The following PCDH11X variants were observed in gnomAD, a reference collection of about 807,000 sequenced individuals.
PCDH11X encodes protocadherin 11 X-linked, also known as protocadherin-11 X-linked.
Under a neutral mutation model 53.3 loss-of-function variants are expected in PCDH11X, and 18 were observed. That is an observed-to-expected ratio of 0.34 (90% CI 0.23 to 0.50). The LOEUF (loss-of-function observed/expected upper bound fraction) is 0.50. Among genes scored for constraint, PCDH11X ranks in the 20% least tolerant of loss-of-function variants. The pLI is 0.98. For missense variants in PCDH11X, 570 were observed against 1,032.4 expected, an observed-to-expected ratio of 0.55 and a Z score of 6.14; for synonymous variants, 279 against 393.3, an observed-to-expected ratio of 0.71 and a Z score of 3.44.
intron 6 of PCDH11X, among the ~76,000 whole-genome samples, chrX:92,048,358 A>G (rs2063322712): frequency 9.0e-6 from 1 of 110,935 alleles, no homozygotes; most frequent in African/African-American, 3.3e-5. Context: ...AGACGAAAGA[A>G]CTTCCATTTT....
chrX:92,003,298 G>A (rs1189831617), intron 6 of PCDH11X, among the ~76,000 whole-genome samples: 1 of 103,997 alleles, frequency 9.6e-6, no homozygotes, highest in African/African-American at 3.5e-5. Flanking sequence ...TTTTGTTGAG[G>A]ATTTTTGCAT....
At chrX:92,484,151 G>GTA (rs1391376778) in intron 10 of PCDH11X, among the ~76,000 whole-genome samples, 12 of 36,248 alleles carry the variant, frequency 3.3e-4, no homozygotes, top group East Asian at 5.2e-3. Flanking sequence ...GTATATATAT[G>GTA]TATATATGTA....
At chrX:92,407,155 A>G (rs1298558472) in intron 9 of PCDH11X, among the ~76,000 whole-genome samples, 2 of 106,828 alleles carry the variant, frequency 1.9e-5, no homozygotes, top group African/African-American at 6.8e-5. Context: ...GTTCTTATTT[A>G]TTGGCATATG....
At chrX:92,501,534 T>A (rs1057239215) in intron 10 of PCDH11X, among the ~76,000 whole-genome samples, 6 of 111,880 alleles carry the variant, frequency 5.4e-5, no homozygotes, top group Admixed American at 4.8e-4. Flanking sequence ...TCCACCATGA[T>A]CATGCTGGCT....
At chrX:91,909,042 A>G (rs1318768917) in intron 6 of PCDH11X, among the ~76,000 whole-genome samples, 1 of 111,364 alleles carries the variant, frequency 9.0e-6, no homozygotes, top group Non-Finnish European at 1.9e-5. Context: ...TAATTCTAAA[A>G]CAAATTGTAC....
chrX:92,526,834 T>C (rs980777575), intron 10 of PCDH11X, among the ~76,000 whole-genome samples: 1 of 105,636 alleles, frequency 9.5e-6, no homozygotes, highest in African/African-American at 3.4e-5. Flanking sequence ...TGCACTCCTA[T>C]GTTTGTTGCA....
At chrX:92,129,062 T>G (rs1321733000) in intron 6 of PCDH11X, among the ~76,000 whole-genome samples, 1 of 111,072 alleles carries the variant, frequency 9.0e-6, no homozygotes, top group East Asian at 2.8e-4. Flanking sequence ...TGTATATTTC[T>G]AATTAATTTC....
intron 9 of PCDH11X, among the ~76,000 whole-genome samples, chrX:92,392,970 T>A (rs1230328167): frequency 9.1e-6 from 1 of 110,079 alleles, no homozygotes; most frequent in Non-Finnish European, 1.9e-5. Context: ...ATCATCTGAG[T>A]CCACAGTTCA....
intron 6 of PCDH11X, among the ~76,000 whole-genome samples, chrX:92,079,879 G>A (rs2063829978): frequency 8.9e-6 from 1 of 111,860 alleles, no homozygotes; most frequent in African/African-American, 3.2e-5. Flanking sequence ...GTTGTGGTAG[G>A]CAGAATAATG....
In PCDH11X at chrX:92,601,636, A is replaced by C. The variant is rs1179534390; in HGVS notation, c.3368-16628A>C. On this transcript the variant is annotated intron_variant, in intron 10 of 10. Transcript: ENST00000682573. ...TATTCATAGCCGCATTATTCACAGC[A>C]GCCAAAAGTTGGAAGCAACCTAAGA... Among the ~76,000 whole-genome samples, 3 of 111,604 alleles carry C rather than the reference A, an allele frequency of 2.7e-5. No homozygotes were observed. In the Admixed American group the frequency reaches 2.9e-4, roughly 11 times the overall value.
intron 6 of PCDH11X, among the ~76,000 whole-genome samples, chrX:92,003,723 G>C (rs917444194): frequency 1.3e-4 from 13 of 101,271 alleles, no homozygotes; most frequent in African/African-American, 4.3e-4. Context: ...AATTTCTGCA[G>C]TATCAATTAT....
chrX:92,351,877 A>G (rs1229295884), intron 8 of PCDH11X, among the ~76,000 whole-genome samples: 1 of 111,425 alleles, frequency 9.0e-6, no homozygotes, highest in Non-Finnish European at 1.9e-5. Flanking sequence ...TCATCAATCA[A>G]CTCCTAAACA....
At chrX:92,525,661 A>T (rs939975298) in intron 10 of PCDH11X, among the ~76,000 whole-genome samples, 3 of 106,857 alleles carry the variant, frequency 2.8e-5, no homozygotes, top group African/African-American at 1.0e-4. Flanking sequence ...AAGTAGAATT[A>T]CTATCTTATC....
chrX:91,948,825 G>A (rs1243916424), intron 6 of PCDH11X, among the ~76,000 whole-genome samples: 1 of 110,319 alleles, frequency 9.1e-6, no homozygotes, highest in Admixed American at 9.7e-5. Context: ...CAGGCGTAAG[G>A]AGGATTCCTG....
intron 6 of PCDH11X, among the ~76,000 whole-genome samples, chrX:92,068,706 A>G (rs1028541179): frequency 9.2e-6 from 1 of 108,648 alleles, no homozygotes; most frequent in Non-Finnish European, 1.9e-5. Flanking sequence ...CGCCTGGCTG[A>G]TTTTTGTATT....
intron 5 of PCDH11X, among the ~76,000 whole-genome samples, chrX:91,846,137 C>T (rs952770207): frequency 3.6e-5 from 4 of 111,270 alleles, no homozygotes; most frequent in Non-Finnish European, 5.7e-5. Context: ...AGTGACTGGC[C>T]TTATTTTAGG....
chrX:92,147,955 CCT>C (rs1396921252), intron 6 of PCDH11X, among the ~76,000 whole-genome samples: 22 of 88,463 alleles, frequency 2.5e-4, no homozygotes, highest in African/African-American at 1.0e-3. Flanking sequence ...TCCTTCCTTT[CCT>C]TCTTTCCCTT....
At chrX:92,120,438 G>C (rs891551688) in intron 6 of PCDH11X, among the ~76,000 whole-genome samples, 4 of 112,712 alleles carry the variant, frequency 3.5e-5, no homozygotes, top group African/African-American at 1.3e-4. Flanking sequence ...GATTACAGGC[G>C]TGCGCCACCG....
At chrX:91,881,265 T>C (rs1421449312) in intron 6 of PCDH11X, among the ~76,000 whole-genome samples, 1 of 111,156 alleles carries the variant, frequency 9.0e-6, no homozygotes, top group African/African-American at 3.3e-5. Context: ...AATAAACCTT[T>C]TTCCATGACG....
Sources: gnomAD v4.1 joint callset for allele counts (sites outside exome capture counted in the v4.1 genomes callset) on GRCh38, gnomAD v4.1.1 for gene constraint, MANE v1.5 for transcripts, NCBI Gene and HGNC (gene_info 2026-07-23, HGNC 2026-07-21) for gene names.